Variants in RGPD2 observed in about 807,000 individuals in gnomAD.
RGPD2 encodes the protein RANBP2-like and GRIP domain-containing protein 2.
In RGPD2, 2 loss-of-function variants were observed where a neutral mutation model predicts 36.0. That is an observed-to-expected ratio of 0.06 (90% CI 0.02 to 0.17). RGPD2 has a LOEUF of 0.17. RGPD2 is among the 10% of genes least tolerant of loss of function. The pLI, the probability that RGPD2 is intolerant of heterozygous loss-of-function variation, is 1.00. For missense variants in RGPD2, 40 were observed against 464.3 expected (o/e 0.09, Z 8.40); for synonymous variants, 19 against 163.8 (o/e 0.12, Z 6.75).
chr2:87,986,700 T>C, the RGPD2 span, among the ~76,000 whole-genome samples: 1 of 151,174 alleles, frequency 6.6e-6, no homozygotes, highest in Non-Finnish European at 1.5e-5. Flanking sequence ...ACCAACATGG[T>C]GAAACCCCAT....
the RGPD2 span, among the ~76,000 whole-genome samples, chr2:87,885,020 C>G: frequency 2.0e-5 from 3 of 152,242 alleles, no homozygotes; most frequent in East Asian, 3.9e-4. Flanking sequence ...AACTGATAAA[C>G]ATAGATGCAA....
chr2:87,880,767 C>T, the RGPD2 span, among the ~76,000 whole-genome samples: 1 of 47,492 alleles, frequency 2.1e-5, no homozygotes, highest in Non-Finnish European at 3.9e-5. Context: ...TATAATCATG[C>T]CTTTTCAATA....
chr2:87,846,536 T>C, the RGPD2 span, among the ~76,000 whole-genome samples: 1 of 152,124 alleles, frequency 6.6e-6, no homozygotes. Context: ...CCTATAAATA[T>C]GTATAAATAT....
At chr2:87,882,619 TTC>T in the RGPD2 span, among the ~76,000 whole-genome samples, 1 of 152,274 alleles carries the variant, frequency 6.6e-6, no homozygotes, top group Non-Finnish European at 1.5e-5. Flanking sequence ...TTTTTTCTAG[TTC>T]TGTGAAAATT....
chr2:87,809,707 C>T (rs1357616914), intron 6 of RGPD2, among the ~76,000 whole-genome samples: 2 of 151,122 alleles, frequency 1.3e-5, no homozygotes, highest in Non-Finnish European at 3.0e-5. Context: ...TAGGGTGGCA[C>T]CAGCTTTTTA....
chr2:87,834,719 A>C, the RGPD2 span, among the ~76,000 whole-genome samples: 1 of 152,114 alleles, frequency 6.6e-6, no homozygotes, highest in Admixed American at 6.6e-5. Flanking sequence ...TATTGTATTC[A>C]TGAATTTGAA....
chr2:87,829,535 C>A (rs1256726039), upstream of RGPD2, among the ~76,000 whole-genome samples: 1 of 151,924 alleles, frequency 6.6e-6, no homozygotes, highest in Non-Finnish European at 1.5e-5. Flanking sequence ...ACTCACAGTT[C>A]CACATGGCTG....
the RGPD2 span, among the ~76,000 whole-genome samples, chr2:87,892,153 T>C: frequency 4.0e-5 from 6 of 151,862 alleles, no homozygotes; most frequent in African/African-American, 1.5e-4. Flanking sequence ...AAGATTCAAG[T>C]ACCCTCTCTT....
chr2:87,842,041 G>A, the RGPD2 span, among the ~76,000 whole-genome samples: 1 of 150,610 alleles, frequency 6.6e-6, no homozygotes, highest in Admixed American at 6.6e-5. Context: ...AATAAATTAG[G>A]TATTGATGGG....
At chr2:87,857,433 C>T in the RGPD2 span, among the ~76,000 whole-genome samples, 3 of 151,534 alleles carry the variant, frequency 2.0e-5, no homozygotes, top group Admixed American at 6.6e-5. Flanking sequence ...AGCTCTGCCT[C>T]CCAGGTTCAC....
At chr2:87,894,514 C>T in the RGPD2 span, among the ~76,000 whole-genome samples, 1 of 151,620 alleles carries the variant, frequency 6.6e-6, no homozygotes, top group Non-Finnish European at 1.5e-5. Context: ...GTGGTAGCAG[C>T]ATCTTGAAGA....
chr2:87,932,762 G>A, the RGPD2 span, among the ~76,000 whole-genome samples: 1 of 151,906 alleles, frequency 6.6e-6, no homozygotes, highest in African/African-American at 2.4e-5. Context: ...TTCTTTAAGA[G>A]CATTGAATTT....
At chr2:87,945,259 A>G in the RGPD2 span, among the ~76,000 whole-genome samples, 5 of 152,266 alleles carry the variant, frequency 3.3e-5, no homozygotes, top group Non-Finnish European at 7.3e-5. Flanking sequence ...TTTTCCATTG[A>G]AATGAACAAA....
chr2:87,902,521 GA>G, the RGPD2 span, among the ~76,000 whole-genome samples: 10 of 146,364 alleles, frequency 6.8e-5, no homozygotes, highest in Non-Finnish European at 1.4e-4. Flanking sequence ...AAACCTTGCA[GA>G]AAAAAAGATA....
the RGPD2 span, among the ~76,000 whole-genome samples, chr2:87,915,357 T>TTG: frequency 0.03 from 3,458 of 116,364 alleles, 226 homozygotes; most frequent in African/African-American, 0.064. Context: ...ATTATATATA[T>TTG]TATATATATA....
At chr2:87,939,490 T>C in the RGPD2 span, among the ~76,000 whole-genome samples, 49 of 152,080 alleles carry the variant, frequency 3.2e-4, no homozygotes, top group African/African-American at 1.2e-3. Context: ...CCTAGCACCA[T>C]CTGGTCACAC....
the RGPD2 span, among the ~76,000 whole-genome samples, chr2:87,910,714 G>A: frequency 2.6e-5 from 4 of 151,390 alleles, no homozygotes; most frequent in Non-Finnish European, 5.9e-5. Context: ...AAATGATAGA[G>A]TACAATAACT....
chr2:87,842,953 A>G, the RGPD2 span, among the ~76,000 whole-genome samples: 1 of 149,066 alleles, frequency 6.7e-6, no homozygotes, highest in Non-Finnish European at 1.5e-5. Context: ...AAAAACAAGC[A>G]ATGGGGAAAG....
the RGPD2 span, among the ~76,000 whole-genome samples, chr2:87,866,368 T>A: frequency 4.6e-5 from 7 of 152,214 alleles, no homozygotes; most frequent in African/African-American, 1.7e-4. Flanking sequence ...TCATTTGAAG[T>A]CAGTAACAAA....
Sources: allele counts gnomAD v4.1 joint callset (sites outside exome capture counted in the v4.1 genomes callset), GRCh38; gene constraint gnomAD v4.1.1; transcripts MANE v1.5; gene names NCBI Gene and HGNC (gene_info 2026-07-23, HGNC 2026-07-21).